Variants in PTPRZ1 observed in about 807,000 individuals in gnomAD.
PTPRZ1 encodes the protein protein tyrosine phosphatase receptor type Z1.
Under a neutral mutation model 214.1 loss-of-function variants are expected in PTPRZ1, and 82 were observed. That is an observed-to-expected ratio of 0.38 (90% CI 0.32 to 0.46). PTPRZ1 has a LOEUF of 0.46. PTPRZ1 is among the 20% of genes least tolerant of loss of function. PTPRZ1 has a pLI of 1.00. For synonymous variants in PTPRZ1, 945 were observed against 987.9 expected (o/e 0.96, Z 0.81); for missense variants, 2,603 against 2,748.7 (o/e 0.95, Z 1.19).
chr7:122,040,362 G>A (rs574452314), intron 20 of PTPRZ1, among the ~76,000 whole-genome samples: 3 of 152,308 alleles, frequency 2.0e-5, no homozygotes, highest in South Asian at 4.1e-4. Context: ...TGTAGGACAG[G>A]CTGGCAGCCT....
chr7:122,048,139 T>C (rs1054454107), intron 23 of PTPRZ1, among the ~76,000 whole-genome samples: 4 of 152,094 alleles, frequency 2.6e-5, no homozygotes, highest in African/African-American at 4.8e-5. Context: ...TTTTAAATAA[T>C]ATACATATTT....
At chr7:121,962,045 A>C (rs1310746648) in intron 2 of PTPRZ1, among the ~76,000 whole-genome samples, 1 of 152,230 alleles carries the variant, frequency 6.6e-6, no homozygotes, top group Admixed American at 6.5e-5. Context: ...GCTACAATAT[A>C]GTGAATTCTG....
At chr7:122,043,196 C>T (rs1461980810) in intron 22 of PTPRZ1, among the ~76,000 whole-genome samples, 1 of 152,174 alleles carries the variant, frequency 6.6e-6, no homozygotes, top group East Asian at 1.9e-4. Context: ...TGTGGGGGGA[C>T]ACCATTCAAC....
At chr7:121,912,178 ATATT>A (rs1325873724) in intron 1 of PTPRZ1, among the ~76,000 whole-genome samples, 2 of 152,206 alleles carry the variant, frequency 1.3e-5, no homozygotes, top group Non-Finnish European at 2.9e-5. Flanking sequence ...TAAAGTTCAT[ATATT>A]TATTGTTAAC....
chr7:122,052,331 A>G (rs968003050), intron 25 of PTPRZ1, among the ~76,000 whole-genome samples: 4 of 152,196 alleles, frequency 2.6e-5, no homozygotes, highest in African/African-American at 9.6e-5. Context: ...GGTTTGCAGC[A>G]TGATTTTTAG....
At chr7:121,943,210 A>G (rs1173301481) in intron 2 of PTPRZ1, among the ~76,000 whole-genome samples, 1 of 152,216 alleles carries the variant, frequency 6.6e-6, no homozygotes, top group African/African-American at 2.4e-5. Context: ...TGTGTTAGTG[A>G]GGAACTTTAT....
chr7:122,054,242 A>T (rs1792280317), intron 26 of PTPRZ1, among the ~76,000 whole-genome samples: 2 of 152,186 alleles, frequency 1.3e-5, no homozygotes, highest in Admixed American at 1.3e-4. Flanking sequence ...GTTTTAAATG[A>T]AAGTAGATAT....
chr7:121,876,481 C>A (rs1018439669), intron 1 of PTPRZ1, among the ~76,000 whole-genome samples: 1 of 152,070 alleles, frequency 6.6e-6, no homozygotes, highest in African/African-American at 2.4e-5. Flanking sequence ...GCTTTAAGAG[C>A]CACATTAACA....
intron 6 of PTPRZ1, among the ~76,000 whole-genome samples, chr7:121,978,731 T>C (rs1797516276): frequency 6.6e-6 from 1 of 152,150 alleles, no homozygotes; most frequent in East Asian, 1.9e-4. Context: ...AACTTCCTCA[T>C]TTACCAAAAA....
At chr7:121,945,204 G>A (rs968865197) in intron 2 of PTPRZ1, among the ~76,000 whole-genome samples, 1 of 152,104 alleles carries the variant, frequency 6.6e-6, no homozygotes, top group African/African-American at 2.4e-5. Flanking sequence ...AAAAGACTAA[G>A]TGCCCCAGAT....
intron 2 of PTPRZ1, among the ~76,000 whole-genome samples, chr7:121,959,320 GA>G (rs1796806962): frequency 1.3e-5 from 2 of 152,290 alleles, no homozygotes; most frequent in Middle Eastern, 3.4e-3. Flanking sequence ...GTAGTTTGAC[GA>G]AACAGGTTCT....
intron 27 of PTPRZ1, among the ~76,000 whole-genome samples, chr7:122,057,265 A>T (rs1462415696): frequency 6.6e-6 from 1 of 151,940 alleles, no homozygotes; most frequent in East Asian, 1.9e-4. Flanking sequence ...AGTGCACTAC[A>T]TCCTCATCAG....
At chr7:122,049,560 G>A (rs1320107111) in intron 23 of PTPRZ1, among the ~76,000 whole-genome samples, 2 of 152,000 alleles carry the variant, frequency 1.3e-5, no homozygotes, top group African/African-American at 4.8e-5. Flanking sequence ...TAACAAAACA[G>A]TAGCAAAAAC....
rs1161973791 is a variant in PTPRZ1, at chr7:121,983,638, G to T, written c.620-27G>T. 10 of 1,580,958 alleles carry T rather than the reference G, an allele frequency of 6.3e-6. No individual in the cohort carries two copies. In the East Asian group the frequency reaches 1.8e-4, roughly 28 times the overall value. On this transcript the variant is annotated intron_variant, in intron 6 of 29. Transcript: ENST00000393386. ...GCTAAGTTCCAGTGTTGAGATTCCAGCTGAGATGTATATTATTCCTTTTTA... is the reference window on the plus strand; with the variant it reads ...GCTAAGTTCCAGTGTTGAGATTCCATCTGAGATGTATATTATTCCTTTTTA...
At chr7:121,890,212 A>T (rs1475633652) in intron 1 of PTPRZ1, among the ~76,000 whole-genome samples, 2 of 152,142 alleles carry the variant, frequency 1.3e-5, no homozygotes, top group African/African-American at 4.8e-5. Flanking sequence ...CTCAAACTTG[A>T]CATGTTCAAA....
chr7:121,915,955 A>G (rs936457159), intron 1 of PTPRZ1, among the ~76,000 whole-genome samples: 5 of 152,156 alleles, frequency 3.3e-5, no homozygotes, highest in Admixed American at 2.6e-4. Context: ...TTGATGTGCA[A>G]TAATGCTACC....
At chr7:121,987,561 C>G (rs1797795172) in intron 8 of PTPRZ1, among the ~76,000 whole-genome samples, 1 of 152,154 alleles carries the variant, frequency 6.6e-6, no homozygotes, top group Non-Finnish European at 1.5e-5. Flanking sequence ...TGCAGCCTCA[C>G]TAGATGCAAT....
At chr7:122,057,865 G>C (rs1392244349) in intron 27 of PTPRZ1, among the ~76,000 whole-genome samples, 1 of 151,232 alleles carries the variant, frequency 6.6e-6, no homozygotes, top group African/African-American at 2.4e-5. Flanking sequence ...TGAGACAAGG[G>C]TTCGGTTTCA....
intron 8 of PTPRZ1, among the ~76,000 whole-genome samples, chr7:121,985,718 A>G (rs180814280): frequency 3.3e-4 from 50 of 152,262 alleles, no homozygotes; most frequent in African/African-American, 1.2e-3. Context: ...TGGCCCTGGC[A>G]ATGGCCACAG....
Sources: gnomAD v4.1 joint callset for allele counts (sites outside exome capture counted in the v4.1 genomes callset) on GRCh38, gnomAD v4.1.1 for gene constraint, MANE v1.5 for transcripts, NCBI Gene and HGNC (gene_info 2026-07-23, HGNC 2026-07-21) for gene names.